ZFP90: variants seen among roughly 807,000 people sequenced by gnomAD.
ZFP90 encodes the protein zinc finger protein 90 homolog.
ZFP90 carries 38 observed loss-of-function variants against 60.8 expected under a neutral mutation model. That is an observed-to-expected ratio of 0.62 (90% CI 0.48 to 0.82). ZFP90 has a LOEUF of 0.82. Ranked by LOEUF, ZFP90 falls within the 40% of genes least tolerant of loss-of-function variation. The pLI is 0.00. For missense variants in ZFP90, 711 were observed against 759.1 expected (o/e 0.94, Z 0.74); for synonymous variants, 287 against 264.8 (o/e 1.08, Z -0.82).
In ZFP90 at chr16:68,566,677, T is replaced by C. The variant is rs1228306395; in HGVS notation, c.*1979T>C. On this transcript the variant is annotated 3_prime_UTR_variant, in exon 5 of 5. Coordinates refer to ENST00000563169, the MANE Select transcript of ZFP90 (RefSeq NM_001305203.2). ...TAGCTCACACACAATGCCAAGGCTG[T>C]GCTTCTATTATCTGATACATAGTTT... 1 of 985,584 alleles carries C rather than the reference T, an allele frequency of 1.0e-6. No individual in the cohort carries two copies. Among genetic ancestry groups the C allele is most frequent in the Non-Finnish European group, 1.2e-6 (1 of 829,936 alleles). The allele number at this position is 985,584 out of a possible 1,614,324, so 61.1% of individuals were successfully genotyped here.
chr16:68,566,767 T>C lies in ZFP90; in HGVS notation c.*2069T>C. 7.1e-6 allele frequency: 7 copies of C among 985,576 alleles called. No individual in the cohort carries two copies. Among genetic ancestry groups the C allele is most frequent in the Non-Finnish European group, 8.4e-6 (7 of 829,934 alleles). The allele number at this position is 985,576 out of a possible 1,614,324, so 61.1% of individuals were successfully genotyped here. ...GCTAGGATGCCTGTCAGGAACTCAT[T>C]ATGCTACTGGTTGTTTGGGGATCCC... On this transcript the variant is annotated 3_prime_UTR_variant, in exon 5 of 5. Coordinates refer to ENST00000563169, the MANE Select transcript of ZFP90 (RefSeq NM_001305203.2).
chr16:68,557,226 A>G (rs1421630592), intron 2 of ZFP90: 1 of 455,786 alleles, frequency 2.2e-6, no homozygotes, highest in African/African-American at 2.0e-5. Context: ...GGGCTCCTGT[A>G]ACAAAGGAAG....
At chr16:68,562,940 A>G in intron 4 of ZFP90, 104 bp from the exon 5 acceptor site, 1 of 1,555,810 alleles carries the variant, frequency 6.4e-7, no homozygotes, top group Non-Finnish European at 8.7e-7. Context: ...GAGTAATTTC[A>G]AAACAGAGTC....
At chr16:68,561,919 A>T (rs1365765146) in intron 4 of ZFP90, 1 of 152,058 alleles carries the variant, frequency 6.6e-6, no homozygotes, top group Non-Finnish European at 1.5e-5. Flanking sequence ...GTTGAAAAAA[A>T]TTTTACAGTC....
At chr16:68,536,038 T>G (rs2090958111), upstream of ZFP90, among the ~76,000 whole-genome samples, 1 of 152,212 alleles carries the variant, frequency 6.6e-6, no homozygotes. Context: ...TATTGTGAAC[T>G]GCGCACCTTT....
rs765482571 is a variant in ZFP90, at chr16:68,564,761, G to T, written c.*63G>T. On this transcript the variant is annotated 3_prime_UTR_variant, in exon 5 of 5. Transcript: ENST00000563169. ...TAAAATGTTCTGATTCAGGATCAGAGGATTCTTAGAGAGCTTGGGAATGTA... is the reference window on the plus strand; with the variant it reads ...TAAAATGTTCTGATTCAGGATCAGATGATTCTTAGAGAGCTTGGGAATGTA... 6 of 1,523,888 alleles carry T rather than the reference G, an allele frequency of 3.9e-6. No homozygotes were observed. In the South Asian group the frequency reaches 8.0e-5, roughly 20 times the overall value. The allele number at this position is 1,523,888 out of a possible 1,614,324, so 94.4% of individuals were successfully genotyped here.
At chr16:68,561,552 A>G (rs146713616) in intron 4 of ZFP90, among the ~76,000 whole-genome samples, 196 of 152,296 alleles carry the variant, frequency 1.3e-3, no homozygotes, top group Middle Eastern at 0.01. Flanking sequence ...ATAATATGCC[A>G]TCTGATGGTT....
chr16:68,546,332 A>G (rs533266329), intron 2 of ZFP90, among the ~76,000 whole-genome samples: 7 of 152,332 alleles, frequency 4.6e-5, no homozygotes, highest in Admixed American at 1.3e-4. Context: ...TTCATATGTA[A>G]TGCAGCCATC....
At chr16:68,575,897 T>G (rs544415688) in exon 3 of ZFP90, 19 of 398,340 alleles carry the variant, frequency 4.8e-5, no homozygotes, top group Non-Finnish European at 8.0e-5. Flanking sequence ...AATGGCTAAG[T>G]AAGGACCTCC....
intron 2 of ZFP90, among the ~76,000 whole-genome samples, chr16:68,554,069 A>T (rs368731617): frequency 2.0e-5 from 3 of 151,826 alleles, no homozygotes; most frequent in African/African-American, 7.3e-5. Flanking sequence ...GGTGAGGGTG[A>T]CAGAAATAGG....
At chr16:68,537,435 C>A (rs2090969607), upstream of ZFP90, among the ~76,000 whole-genome samples, 1 of 152,088 alleles carries the variant, frequency 6.6e-6, no homozygotes, top group South Asian at 2.1e-4. Flanking sequence ...CTGCAGTTGC[C>A]TTAAGTTGCA....
chr16:68,557,384 CT>C (rs2091362667), intron 2 of ZFP90: 2 of 415,648 alleles, frequency 4.8e-6, no homozygotes, highest in Admixed American at 5.0e-5. Flanking sequence ...TACAGGTGTA[CT>C]GTGGAGTACT....
intron 2 of ZFP90, among the ~76,000 whole-genome samples, chr16:68,553,747 T>G (rs977749460): frequency 6.6e-6 from 1 of 152,124 alleles, no homozygotes; most frequent in Non-Finnish European, 1.5e-5. Context: ...GCCCTCCAAG[T>G]AGCTAGGACC....
intron 2 of ZFP90, chr16:68,557,374 T>C: frequency 4.6e-6 from 2 of 430,834 alleles, no homozygotes; most frequent in Non-Finnish European, 4.7e-6. Flanking sequence ...GTACCTGTGA[T>C]ACAGGTGTAC....
In ZFP90 at chr16:68,563,958, G is replaced by C. The variant is rs760814484; in HGVS notation, c.1171G>C (p.Glu391Gln). ...CCAACATGAGAGGACTCATACTGGA[G>C]AGAAACCTTTTGAATGTAGCATATG... The part of the protein sequence containing the change: ...LVQHERTHTG[E>Q]KPFECSICGR... The change falls in exon 5 of 5, where the codon GAG becomes CAG. Residue 391 changes from glutamate (E) to glutamine (Q), a missense_variant. By Grantham distance (29) the Glu-to-Gln change is conservative (BLOSUM62 2). Around this residue, in one of 5 missense-constraint regions of ZFP90, gnomAD observed 146 missense variants for 201.4 expected, o/e 0.73. Transcript: ENST00000563169. The C allele has an allele frequency of 1.4e-5, 22 of 1,614,028 alleles. No homozygotes were observed. Among genetic ancestry groups the C allele is most frequent in the Non-Finnish European group, 1.8e-5 (21 of 1,180,036 alleles).
Position 68,565,299 on chromosome 16 carries a change from A to G in ZFP90, c.*601A>G. 3.0e-6 allele frequency: 3 copies of G among 985,574 alleles called. No individual in the cohort carries two copies. The highest frequency in any genetic ancestry group is 3.6e-6 in the Non-Finnish European group (3 of 829,950). 61.1% of individuals were successfully genotyped at this position (985,574 alleles called of 1,614,324 possible). A position where few individuals can be genotyped will look rare whatever the true frequency, so the allele number is the denominator to read the frequency against. On this transcript the variant is annotated 3_prime_UTR_variant, in exon 5 of 5. Coordinates refer to ENST00000563169, the MANE Select transcript of ZFP90 (RefSeq NM_001305203.2). ...GCAGGTTTCCTGGATTTGGGGCCCC[A>G]TGGCCTTGCCAGTGAAAAGGTTATT...
intron 2 of ZFP90, among the ~76,000 whole-genome samples, chr16:68,556,925 G>C (rs981970091): frequency 2.6e-5 from 4 of 152,200 alleles, no homozygotes; most frequent in African/African-American, 9.7e-5. Context: ...CTGGGAACAA[G>C]TTTGATGTAG....
intron 2 of ZFP90, among the ~76,000 whole-genome samples, chr16:68,551,879 C>T (rs139911987): frequency 2.8e-4 from 43 of 152,288 alleles, no homozygotes; most frequent in African/African-American, 9.6e-4. Flanking sequence ...CTGCCTCAGC[C>T]TCCTCAGTAT....
At chr16:68,560,540 TA>T (rs2091422714) in intron 4 of ZFP90, among the ~76,000 whole-genome samples, 3 of 35,706 alleles carry the variant, frequency 8.4e-5, no homozygotes, top group Non-Finnish European at 2.0e-4. Flanking sequence ...CACTGGATTT[TA>T]TTTATTTATT....
Sources: allele counts gnomAD v4.1 joint callset (sites outside exome capture counted in the v4.1 genomes callset), GRCh38; gene constraint gnomAD v4.1.1; regional missense constraint gnomAD v4.1.1; transcripts MANE v1.5; gene names NCBI Gene and HGNC (gene_info 2026-07-23, HGNC 2026-07-21).